Variants in NKAIN2 observed in about 807,000 individuals in gnomAD.
NKAIN2 encodes sodium/potassium transporting ATPase interacting 2.
A neutral mutation model predicts 32.6 loss-of-function variants in NKAIN2; 14 were observed. The ratio of observed to expected loss-of-function variants is 0.43; its 90% CI spans 0.28 to 0.67. NKAIN2 has a LOEUF of 0.67. Among genes scored for constraint, NKAIN2 ranks in the 30% least tolerant of loss-of-function variants. The probability of loss-of-function intolerance (pLI) is 0.17; values close to 1 mark genes in which losing one functional copy is unlikely to be tolerated. For synonymous variants in NKAIN2, 80 were observed against 87.2 expected (o/e 0.92, Z 0.46); for missense variants, 198 against 258.3 (o/e 0.77, Z 1.60).
intron 1 of NKAIN2, among the ~76,000 whole-genome samples, chr6:124,206,341 C>G (rs555806645): frequency 6.6e-6 from 1 of 151,780 alleles, no homozygotes; most frequent in Non-Finnish European, 1.5e-5. Context: ...AGATTAAGCG[C>G]ATAAAACAAG....
intron 4 of NKAIN2, among the ~76,000 whole-genome samples, chr6:124,737,210 G>A (rs983909301): frequency 6.6e-6 from 1 of 151,892 alleles, no homozygotes; most frequent in Non-Finnish European, 1.5e-5. Flanking sequence ...TAATCCCCAT[G>A]TGTCATGGGA....
At chr6:124,729,352 T>C (rs1776528809) in intron 4 of NKAIN2, among the ~76,000 whole-genome samples, 1 of 150,850 alleles carries the variant, frequency 6.6e-6, no homozygotes, top group South Asian at 2.1e-4. Context: ...TCAAAAAGCT[T>C]ATCCACCATG....
At chr6:123,837,562 T>C (rs1774683024) in intron 1 of NKAIN2, among the ~76,000 whole-genome samples, 1 of 152,188 alleles carries the variant, frequency 6.6e-6, no homozygotes, top group Non-Finnish European at 1.5e-5. Context: ...CTTTTGTAAC[T>C]GTTTGATTTT....
At chr6:124,089,110 A>C (rs1562351412) in intron 1 of NKAIN2, among the ~76,000 whole-genome samples, 1 of 152,126 alleles carries the variant, frequency 6.6e-6, no homozygotes, top group South Asian at 2.1e-4. Context: ...GTCAATCACC[A>C]TTGACAACTT....
chr6:124,508,335 C>CTT (rs71702410), intron 3 of NKAIN2, among the ~76,000 whole-genome samples: 46 of 148,992 alleles, frequency 3.1e-4, no homozygotes, highest in Admixed American at 1.1e-3. Context: ...TTGTATTAGT[C>CTT]TTTTTTTTTT....
At chr6:123,852,480 A>G (rs961463311) in intron 1 of NKAIN2, among the ~76,000 whole-genome samples, 2 of 152,146 alleles carry the variant, frequency 1.3e-5, no homozygotes, top group African/African-American at 4.8e-5. Flanking sequence ...TCTAACTACT[A>G]CATGATCCAG....
intron 1 of NKAIN2, among the ~76,000 whole-genome samples, chr6:124,135,136 T>G (rs1786676461): frequency 6.6e-6 from 1 of 151,772 alleles, no homozygotes. Context: ...TTCTAAATCT[T>G]GAAACAAAAC....
chr6:124,528,525 A>G (rs1246581517), intron 3 of NKAIN2, among the ~76,000 whole-genome samples: 3 of 152,224 alleles, frequency 2.0e-5, no homozygotes, highest in Admixed American at 2.0e-4. Flanking sequence ...ATTGTTCTAC[A>G]AAAAACTAGC....
intron 3 of NKAIN2, among the ~76,000 whole-genome samples, chr6:124,357,131 G>T (rs1312006175): frequency 6.6e-6 from 1 of 152,002 alleles, no homozygotes; most frequent in Non-Finnish European, 1.5e-5. Context: ...CTATCCCTTG[G>T]CAATGAAACA....
intron 3 of NKAIN2, among the ~76,000 whole-genome samples, chr6:124,582,899 A>G (rs1781574252): frequency 6.6e-6 from 1 of 152,146 alleles, no homozygotes; most frequent in African/African-American, 2.4e-5. Context: ...ATGCTGAAAA[A>G]GCACTTGATA....
chr6:123,810,171 G>A (rs1044439126), intron 1 of NKAIN2, among the ~76,000 whole-genome samples: 4 of 152,014 alleles, frequency 2.6e-5, no homozygotes, highest in Admixed American at 6.6e-5. Context: ...GCCTTGAAAC[G>A]TTAAGCTGTG....
intron 2 of NKAIN2, among the ~76,000 whole-genome samples, chr6:124,351,603 A>T (rs1289894046): frequency 2.0e-5 from 3 of 150,670 alleles, no homozygotes; most frequent in Non-Finnish European, 4.4e-5. Context: ...CTGCTATTTT[A>T]TTTATTTATT....
chr6:124,130,232 C>A (rs1347086660), intron 1 of NKAIN2, among the ~76,000 whole-genome samples: 1 of 152,088 alleles, frequency 6.6e-6, no homozygotes, highest in Non-Finnish European at 1.5e-5. Context: ...GTATTTTGGA[C>A]AACAAAAGCA....
chr6:124,791,588 AC>A (rs1216231577), intron 5 of NKAIN2, among the ~76,000 whole-genome samples, 189 bp downstream of exon 5: 1 of 152,150 alleles, frequency 6.6e-6, no homozygotes, highest in Non-Finnish European at 1.5e-5. Flanking sequence ...ATGGAGAAGC[AC>A]CCATTTTGAA....
chr6:124,098,563 A>T (rs1784740928), intron 1 of NKAIN2, among the ~76,000 whole-genome samples: 1 of 152,132 alleles, frequency 6.6e-6, no homozygotes, highest in African/African-American at 2.4e-5. Context: ...ACAGTTAAAA[A>T]GGTTTTGTCA....
At chr6:123,843,909 C>T (rs1397110703) in intron 1 of NKAIN2, among the ~76,000 whole-genome samples, 1 of 152,098 alleles carries the variant, frequency 6.6e-6, no homozygotes, top group Non-Finnish European at 1.5e-5. Flanking sequence ...GTGACAAAGT[C>T]CGGGCATGAT....
At chr6:124,259,658 C>T (rs1325426917) in intron 1 of NKAIN2, among the ~76,000 whole-genome samples, 1 of 152,066 alleles carries the variant, frequency 6.6e-6, no homozygotes, top group Non-Finnish European at 1.5e-5. Flanking sequence ...AACAGAACCA[C>T]CACAGGCCAG....
intron 3 of NKAIN2, among the ~76,000 whole-genome samples, chr6:124,554,051 G>A (rs1780386761): frequency 6.6e-6 from 1 of 152,144 alleles, no homozygotes; most frequent in African/African-American, 2.4e-5. Flanking sequence ...TTCCCCAGAG[G>A]CAGTCAGTCT....
At chr6:124,739,834 A>G (rs1777118134) in intron 4 of NKAIN2, among the ~76,000 whole-genome samples, 1 of 151,886 alleles carries the variant, frequency 6.6e-6, no homozygotes. Flanking sequence ...CTGGATTTAT[A>G]GGGCATCTAA....
Sources: allele counts gnomAD v4.1 joint callset (sites outside exome capture counted in the v4.1 genomes callset), GRCh38; gene constraint gnomAD v4.1.1; transcripts MANE v1.5; gene names NCBI Gene and HGNC (gene_info 2026-07-23, HGNC 2026-07-21).